Variants in BATF3 observed in about 807,000 individuals in gnomAD.
BATF3 encodes basic leucine zipper transcriptional factor ATF-like 3.
Under a neutral mutation model 16.1 loss-of-function variants are expected in BATF3, and 8 were observed. That is an observed-to-expected ratio of 0.50 (90% CI 0.29 to 0.90). BATF3 has a LOEUF of 0.90. Ranked by LOEUF, BATF3 falls within the 40% of genes least tolerant of loss-of-function variation. BATF3 has a pLI of 0.08. For synonymous variants in BATF3, 74 were observed against 72.7 expected, an observed-to-expected ratio of 1.02 and a Z score of -0.09; for missense variants, 139 against 167.0, an observed-to-expected ratio of 0.83 and a Z score of 0.92.
Position 212,699,041 on chromosome 1 carries a change from C to T in BATF3, c.90+632G>A, listed in dbSNP as rs549239283. On this transcript the variant is annotated intron_variant, in intron 1 of 2. Transcript: ENST00000243440. This position sits in a 1 kb window ranked among gnomAD's most constrained non-coding sequence, Gnocchi z 4.4. ...AAGGATGAAAAGACCCAGTCTTCGT[C>T]GTAAGGCAGGTGGCCAAGACCCAGG... Among the ~76,000 whole-genome samples, 62 of 152,336 alleles carry T rather than the reference C, an allele frequency of 4.1e-4. 2 individuals are homozygous for T. The South Asian group carries it at 0.013, about 32-fold the overall frequency.
In BATF3 at chr1:212,686,579, C is replaced by T; in HGVS notation, c.*212G>A. 1 of 709,010 alleles carries T rather than the reference C, an allele frequency of 1.4e-6. No individual in the cohort carries two copies. The highest frequency in any genetic ancestry group is 2.2e-6 in the Non-Finnish European group (1 of 453,552). 43.9% of individuals were successfully genotyped at this position (709,010 alleles called of 1,614,324 possible). A position where few individuals can be genotyped will look rare whatever the true frequency, so the allele number is the denominator to read the frequency against. Reference sequence around the variant, plus strand: ...AGAAGTCACTCCTGAGGGTGGCCTCCATGCTGGATCTGCACAAGGGCTCTG... The same window carrying T: ...AGAAGTCACTCCTGAGGGTGGCCTCTATGCTGGATCTGCACAAGGGCTCTG... On this transcript the variant is annotated 3_prime_UTR_variant, in exon 3 of 3. Transcript: ENST00000243440.
rs1657148486 is a variant in BATF3, at chr1:212,696,972, T to C, written c.184A>G (p.Lys62Glu). Residue 62 changes from lysine (K) to glutamate (E), a missense_variant, in exon 2 of 3, where the codon AAG (lysine) becomes GAG (glutamate). By Grantham distance (56) the Lys-to-Glu change is moderately conservative. Transcript: ENST00000243440. ...SRKKQTQKAD[K>E]LHEEYESLEQ... is the part of the protein sequence containing the mutation. The stretch of plus-strand genomic sequence containing the variant: ...TACCACGGTCTCACCTCATGGAGCT[T>C]GTCAGCCTTCTGGGTCTGCTTCTTC... 1 of 1,614,174 alleles carries C rather than the reference T, an allele frequency of 6.2e-7. No homozygotes were observed. The highest frequency in any genetic ancestry group is 1.1e-5 in the South Asian group (1 of 91,082).
At position 212,698,752 on chromosome 1, in the gene BATF3, T is replaced by C. The variant is rs372181676; in HGVS notation, c.90+921A>G. The C allele has an allele frequency of 4.6e-5, 7 of 152,392 alleles. No homozygotes were observed. In the East Asian group the frequency reaches 1.2e-3, roughly 25 times the overall value. The allele number at this position is 152,392 out of a possible 1,614,324, so 9.4% of individuals were successfully genotyped here. ...CACCTGCCAACCCAGCAGAAACATTTAATCAAGACAGAAAGAGGTGAGCGA... is the reference window on the plus strand; with the variant it reads ...CACCTGCCAACCCAGCAGAAACATTCAATCAAGACAGAAAGAGGTGAGCGA... On this transcript the variant is annotated intron_variant, in intron 1 of 2. Coordinates refer to ENST00000243440, the MANE Select transcript of BATF3 (RefSeq NM_018664.3).
intron 2 of BATF3, among the ~76,000 whole-genome samples, chr1:212,693,499 G>A (rs1251928595): frequency 9.9e-5 from 15 of 152,170 alleles, no homozygotes; most frequent in Admixed American, 9.8e-4. Context: ...GAGTAATCCT[G>A]ACCCATTCCT....
chr1:212,691,639 A>G (rs1395593668), intron 2 of BATF3, among the ~76,000 whole-genome samples: 1 of 152,270 alleles, frequency 6.6e-6, no homozygotes, highest in African/African-American at 2.4e-5. Context: ...AATATCTGAA[A>G]AAACCATGGC....
intron 2 of BATF3, among the ~76,000 whole-genome samples, chr1:212,693,538 G>T (rs547208757): frequency 6.6e-6 from 1 of 152,118 alleles, no homozygotes; most frequent in Non-Finnish European, 1.5e-5. Flanking sequence ...AGGAGAAGGG[G>T]GTGCTCTTCC....
At chr1:212,694,434 T>G (rs1471206989) in intron 2 of BATF3, among the ~76,000 whole-genome samples, 1 of 152,080 alleles carries the variant, frequency 6.6e-6, no homozygotes, top group Non-Finnish European at 1.5e-5. Context: ...TGTGACCCAA[T>G]GGCAATGCCT....
chr1:212,694,064 G>A (rs1657068368), intron 2 of BATF3, among the ~76,000 whole-genome samples: 1 of 152,216 alleles, frequency 6.6e-6, no homozygotes, highest in Non-Finnish European at 1.5e-5. Flanking sequence ...CAGAGAAGAT[G>A]TGACAACGGA....
At chr1:212,695,371 G>A (rs2501860) in intron 2 of BATF3, among the ~76,000 whole-genome samples, 39,339 of 150,774 alleles carry the variant, frequency 0.26, 5,542 homozygotes, top group Admixed American at 0.44. Context: ...GCGGGCGCCT[G>A]TAGTTCCAGC....
rs144447732 is a variant in BATF3, at chr1:212,689,823, TCACA to T, written c.196-2848_196-2845del. 1.4e-5 allele frequency among the ~76,000 whole-genome samples: 2 copies of T among 147,302 alleles called. No homozygotes were observed. Among genetic ancestry groups the T allele is most frequent in the South Asian group, 2.2e-4 (1 of 4,584 alleles). On this transcript the variant is annotated intron_variant, in intron 2 of 2. Transcript: ENST00000243440. The surrounding 1 kb of genome is among the most constrained non-coding windows in gnomAD (Gnocchi z 4.6). ...CATACACAGCCCGACACACACACTC[TCACA>T]CACACACACTCATACACAACCACAG... is the stretch of plus-strand genomic sequence containing the variant.
chr1:212,698,657 T>G (rs1161065737), intron 1 of BATF3: 1 of 152,174 alleles, frequency 6.6e-6, no homozygotes, highest in Non-Finnish European at 1.5e-5. Flanking sequence ...AAAAAGTCAC[T>G]AGCACAAGAA....
chr1:212,697,268 C>T lies in BATF3; in HGVS notation c.91-203G>A. 7.7e-6 allele frequency: 4 copies of T among 519,692 alleles called. No homozygotes were observed. In the East Asian group the frequency reaches 9.7e-5, roughly 13 times the overall value. The allele number at this position is 519,692 out of a possible 1,614,324, so 32.2% of individuals were successfully genotyped here. ...TGAGTGTGTGAAGTGTGTGGTGTGA[C>T]CGCCGTTTAAAAGATGAGGAATAAG... On this transcript the variant is annotated intron_variant, in intron 1 of 2. Transcript: ENST00000243440.
chr1:212,688,733 T>C (rs1444694349), intron 2 of BATF3, among the ~76,000 whole-genome samples: 2 of 152,228 alleles, frequency 1.3e-5, no homozygotes, highest in African/African-American at 4.8e-5. Flanking sequence ...GGCATGCCAA[T>C]AGAGACCCTC....
intron 2 of BATF3, among the ~76,000 whole-genome samples, chr1:212,688,631 A>G (rs1444313635): frequency 6.6e-6 from 1 of 152,196 alleles, no homozygotes; most frequent in Non-Finnish European, 1.5e-5. Context: ...ACACAGCTTT[A>G]AGCCATCCAC....
intron 2 of BATF3, 130 bp downstream of exon 2, chr1:212,696,831 G>A: frequency 1.4e-6 from 1 of 708,630 alleles, no homozygotes. Flanking sequence ...ACACTGGGCT[G>A]GAAGGACCTG....
intron 2 of BATF3, among the ~76,000 whole-genome samples, chr1:212,696,515 A>T (rs1007484413): frequency 6.6e-6 from 1 of 151,784 alleles, no homozygotes; most frequent in African/African-American, 2.4e-5. Flanking sequence ...ATGTGTGTTG[A>T]GTGGAAAGGG....
rs1248915022 is a variant in BATF3, at chr1:212,689,377, ATTCCCCAGGCAGG to A, written c.196-2411_196-2399del. ...GCTGCCTGTAGGGTCTATCTGAGCC[ATTCCCCAGGCAGG>A]TTCCCAGGGTGGTCTGGAGCACTCT... On this transcript the variant is annotated intron_variant, in intron 2 of 2. Transcript: ENST00000243440. This position sits in a 1 kb window ranked among gnomAD's most constrained non-coding sequence, Gnocchi z 4.6. 2.6e-5 allele frequency among the ~76,000 whole-genome samples: 4 copies of A among 152,148 alleles called. No individual in the cohort carries two copies. The highest frequency in any genetic ancestry group is 5.9e-5 in the Non-Finnish European group (4 of 68,028).
intron 1 of BATF3, chr1:212,697,312 G>A (rs1657156527): frequency 2.4e-6 from 1 of 410,624 alleles, no homozygotes; most frequent in Non-Finnish European, 4.4e-6. Context: ...AGAGGTTAAG[G>A]ACCTTGCTCC....
chr1:212,696,853 A>G (rs868716509), intron 2 of BATF3, 108 bp downstream of exon 2: 5 of 813,610 alleles, frequency 6.1e-6, no homozygotes, highest in Middle Eastern at 3.6e-4. Flanking sequence ...CAGAAATTAG[A>G]TATGAGTGTT....
Sources: gnomAD v4.1 joint callset for allele counts (sites outside exome capture counted in the v4.1 genomes callset) on GRCh38, gnomAD v4.1.1 for gene constraint, Gnocchi (gnomAD v3.1) non-coding constraint, MANE v1.5 for transcripts, NCBI Gene and HGNC (gene_info 2026-07-23, HGNC 2026-07-21) for gene names.